SPG11: variants seen among roughly 807,000 people sequenced by gnomAD.
SPG11 encodes the protein SPG11 vesicle trafficking associated, spatacsin, also known as spatacsin.
SPG11 carries 222 observed loss-of-function variants against 274.0 expected under a neutral mutation model. The ratio of observed to expected loss-of-function variants is 0.81; its 90% CI spans 0.73 to 0.91. The LOEUF (loss-of-function observed/expected upper bound fraction) is 0.91. Ranked by LOEUF, SPG11 falls within the 40% of genes least tolerant of loss-of-function variation. The pLI, the probability that SPG11 is intolerant of heterozygous loss-of-function variation, is 0.00. For missense variants in SPG11, 3,114 were observed against 2,872.7 expected (o/e 1.08, Z -1.92); for synonymous variants, 1,144 against 1,039.7 (o/e 1.10, Z -1.93).
At chr15:44,574,579 CATA>C (rs2082494550) in intron 31 of SPG11, among the ~76,000 whole-genome samples, 1 of 152,146 alleles carries the variant, frequency 6.6e-6, no homozygotes, top group South Asian at 2.1e-4. Flanking sequence ...TCCACACAAT[CATA>C]ATGCAAAACC....
At position 44,659,124 on chromosome 15, in the gene SPG11, G is replaced by A; in HGVS notation, c.622C>T (p.Leu208Phe). ...AAAACAAAAAGAATTCCTCTGCAGA[G>A]CTGCGTGTCAATAATCATGTCCACT... is the stretch of plus-strand genomic sequence containing the variant. ...QAVDMIIDTQ[L>F]CRGILFVLSS... The change falls in exon 3 of 40, where the codon CTC becomes TTC. Residue 208 changes from leucine (L) to phenylalanine (F), a missense_variant. Transcript: ENST00000261866. The A allele has an allele frequency of 6.2e-7, 1 of 1,614,208 alleles. No homozygotes were observed. The highest frequency in any genetic ancestry group is 8.5e-7 in the Non-Finnish European group (1 of 1,180,040).
At chr15:44,616,344 G>C (rs559227498) in intron 15 of SPG11, among the ~76,000 whole-genome samples, 1 of 151,634 alleles carries the variant, frequency 6.6e-6, no homozygotes, top group Admixed American at 6.6e-5. Context: ...TAGCTGGGAC[G>C]ACAGGCATGT....
intron 24 of SPG11, 76 bp downstream of exon 24, chr15:44,596,708 C>CATG: frequency 2.0e-6 from 1 of 502,450 alleles, no homozygotes. Context: ...GTCATGTCTA[C>CATG]ACAACAGAAA....
intron 35 of SPG11, among the ~76,000 whole-genome samples, chr15:44,569,164 CAAAA>C (rs1188132986): frequency 1.4e-5 from 1 of 71,094 alleles, no homozygotes; most frequent in African/African-American, 5.0e-5. Flanking sequence ...AACTCCGTCT[CAAAA>C]AAAAAAAAAA....
rs118103365 is a variant in SPG11, at chr15:44,652,972, C to T, written c.870-706G>A. 4.1e-3 allele frequency among the ~76,000 whole-genome samples: 625 copies of T among 152,110 alleles called. 19 individuals are homozygous for T. The highest frequency in any genetic ancestry group is 0.037 in the South Asian group (179 of 4,820). Reference sequence around the variant, plus strand: ...CCACCACAAAGTAAGATTTAGGCTGCGACCAGAGGAATGCATAAGAACTAG... The same window carrying T: ...CCACCACAAAGTAAGATTTAGGCTGTGACCAGAGGAATGCATAAGAACTAG... On this transcript the variant is annotated intron_variant, in intron 4 of 39. Transcript: ENST00000261866.
chr15:44,623,765 C>CTT (rs545203220), intron 11 of SPG11, among the ~76,000 whole-genome samples: 1 of 151,014 alleles, frequency 6.6e-6, no homozygotes, highest in South Asian at 2.1e-4. Flanking sequence ...TTTTCTTTTT[C>CTT]TTTTTTTTTG....
At chr15:44,599,034 C>T (rs1190286513) in intron 21 of SPG11, among the ~76,000 whole-genome samples, 198 bp from the exon 22 acceptor site, 1 of 152,166 alleles carries the variant, frequency 6.6e-6, no homozygotes, top group African/African-American at 2.4e-5. Context: ...CAAGAGCCCC[C>T]CGCTTCCCTT....
chr15:44,592,370 A>G lies in SPG11; in HGVS notation c.4704T>C (p.Ala1568=), dbSNP rs759372559. Residue 1568 remains alanine (A), a synonymous_variant, in exon 27 of 40, where the codon GCT becomes GCC. Coordinates refer to ENST00000261866, the MANE Select transcript of SPG11 (RefSeq NM_025137.4). ...TCTGAAACTCCAGAAGTTTAGCTTC[A>G]GCTTCTTTATAATTCCTGAAGAACA... The part of the protein sequence containing the change: ...LCMFFRNYKE[A]EAKLLEFQKS... The G allele has an allele frequency of 6.2e-7, 1 of 1,612,530 alleles. No homozygotes were observed. Among genetic ancestry groups the G allele is most frequent in the Non-Finnish European group, 8.5e-7 (1 of 1,178,504 alleles).
At chr15:44,581,074 G>A (rs557449527) in intron 30 of SPG11, among the ~76,000 whole-genome samples, 59 of 151,910 alleles carry the variant, frequency 3.9e-4, no homozygotes, top group African/African-American at 1.3e-3. Context: ...AAAAAACATC[G>A]AGAGCAACCA....
chr15:44,575,562 T>A (rs1210204750), intron 30 of SPG11, among the ~76,000 whole-genome samples: 1 of 150,530 alleles, frequency 6.6e-6, no homozygotes, highest in East Asian at 2.0e-4. Flanking sequence ...TGGTGCGATC[T>A]CAGCTCACTG....
chr15:44,659,201 T>A lies in SPG11; in HGVS notation c.545A>T (p.Asp182Val), dbSNP rs143636318. 5.0e-6 allele frequency: 8 copies of A among 1,614,082 alleles called. No individual in the cohort carries two copies. The highest frequency in any genetic ancestry group is 1.1e-5 in the South Asian group (1 of 91,088). The change falls in exon 3 of 40, where the codon GAT (aspartate) becomes GTT (valine). Residue 182 changes from aspartate (D) to valine (V), a missense_variant. By Grantham distance (152) the Asp-to-Val change is radical. Transcript: ENST00000261866. ...ACAGTTGAGTACTCTAATTGCAGCATCTCTTTCAGGAAATATAATATGTAG... is the reference window on the plus strand; with the variant it reads ...ACAGTTGAGTACTCTAATTGCAGCAACTCTTTCAGGAAATATAATATGTAG... The part of the protein sequence containing the change: ...VILHIIFPER[D>V]AAIRVLNCFT...
intron 7 of SPG11, among the ~76,000 whole-genome samples, chr15:44,638,406 G>A (rs2084340778): frequency 6.6e-6 from 1 of 151,858 alleles, no homozygotes; most frequent in Admixed American, 6.6e-5. Context: ...GCTACGGTGA[G>A]CCAAGATCGT....
intron 14 of SPG11, chr15:44,621,348 C>A: frequency 6.4e-6 from 1 of 155,606 alleles, no homozygotes; most frequent in Non-Finnish European, 1.4e-5. Flanking sequence ...AAATAATAAA[C>A]AAACAAAAAC....
At chr15:44,633,995 T>C (rs755256115) in intron 7 of SPG11, among the ~76,000 whole-genome samples, 1 of 152,082 alleles carries the variant, frequency 6.6e-6, no homozygotes, top group African/African-American at 2.4e-5. Context: ...CCCGCCACCA[T>C]GTCCGGCTAA....
At chr15:44,569,287 C>G (rs1181209703) in intron 35 of SPG11, 111 bp downstream of exon 35, 3 of 815,406 alleles carry the variant, frequency 3.7e-6, no homozygotes, top group East Asian at 5.3e-5. Context: ...CTAATTCCTT[C>G]CCTCCATTTT....
Position 44,620,298 on chromosome 15 carries a change from T to C in SPG11, c.2726A>G (p.Tyr909Cys), listed in dbSNP as rs1486619427. Reference sequence around the variant, plus strand: ...CCATTTGTTCTGCTGAAGTGAAGCATAACTATGCTGGGTTTGAAATTCTCC... The same window carrying C: ...CCATTTGTTCTGCTGAAGTGAAGCACAACTATGCTGGGTTTGAAATTCTCC... ...WIGEFQTQHS[Y>C]ASLQQNKWPL... Residue 909 changes from tyrosine (Y) to cysteine (C), a missense_variant, in exon 15 of 40, where the codon TAT (tyrosine) becomes TGT (cysteine). By Grantham distance (194) the Tyr-to-Cys change is radical (BLOSUM62 -2). Transcript: ENST00000261866. 6.2e-7 allele frequency: 1 copy of C among 1,613,960 alleles called. No individual in the cohort carries two copies. Among genetic ancestry groups the C allele is most frequent in the Non-Finnish European group, 8.5e-7 (1 of 1,179,950 alleles).
rs780147680 is a variant in SPG11, at chr15:44,598,638, C to T, written c.3885G>A (p.Glu1295=). The change falls in exon 22 of 40, where the codon GAG becomes GAA. Residue 1295 remains glutamate (E), a synonymous_variant. Coordinates refer to ENST00000261866, the MANE Select transcript of SPG11 (RefSeq NM_025137.4). ...AGATAAAAGGTGCTGTACCTACAGA[C>T]TCTCTGATAAAGCTGTACTGAGCAT... ...NEDAQYSFIR[E]SVAEKLSKLA... is the part of the protein sequence containing the mutation. 6.2e-7 allele frequency: 1 copy of T among 1,614,164 alleles called. No homozygotes were observed. Among genetic ancestry groups the T allele is most frequent in the Non-Finnish European group, 8.5e-7 (1 of 1,180,002 alleles).
rs140710297 is a variant in SPG11 at position 44,583,955 on chromosome 15, C to T, written c.5725G>A (p.Ala1909Thr). The T allele has an allele frequency of 1.4e-5, 23 of 1,614,148 alleles. No individual in the cohort carries two copies. Among genetic ancestry groups the T allele is most frequent in the South Asian group, 4.4e-5 (4 of 91,082 alleles). Residue 1909 changes from alanine to threonine, a missense_variant, in exon 30 of 40, where the codon GCC (alanine) becomes ACC (threonine). Ala to Thr is a moderately conservative substitution (Grantham distance 58). Transcript: ENST00000261866. ...RYFHFYNPDV[A>T]LVLHCRALAS... ...AGTGCTCTGCAGTGCAATACCAAGGCGACATCTGGATTATAAAAATGAAAA... is the reference window on the plus strand; with the variant it reads ...AGTGCTCTGCAGTGCAATACCAAGGTGACATCTGGATTATAAAAATGAAAA...
chr15:44,563,174 G>T lies in SPG11; in HGVS notation c.7279C>A (p.Leu2427Ile), dbSNP rs753787159. 6.2e-7 allele frequency: 1 copy of T among 1,614,162 alleles called. No individual in the cohort carries two copies. Among genetic ancestry groups the T allele is most frequent in the Non-Finnish European group, 8.5e-7 (1 of 1,180,014 alleles). Residue 2427 changes from leucine (L) to isoleucine (I), a missense_variant, in exon 40 of 40, where the codon CTT (leucine) becomes ATT (isoleucine). Physicochemically the swap from Leu to Ile is conservative, Grantham distance 5 (BLOSUM62 2). Transcript: ENST00000261866. ...EHKFYEIVNV[L>I]LKDPQTGCCL... ...CAACCTGTCTGAGGGTCCTTCAGAA[G>T]CACATTTACAATTTCATAAAACTTG...
Sources: gnomAD v4.1 joint callset for allele counts (sites outside exome capture counted in the v4.1 genomes callset) on GRCh38, gnomAD v4.1.1 for gene constraint, MANE v1.5 for transcripts, NCBI Gene and HGNC (gene_info 2026-07-23, HGNC 2026-07-21) for gene names.